Variants in NPAS3 observed in about 807,000 individuals in gnomAD.
The protein encoded by NPAS3 is neuronal PAS domain-containing protein 3.
A neutral mutation model predicts 73.1 loss-of-function variants in NPAS3; 14 were observed. That is an observed-to-expected ratio of 0.19 (90% CI 0.13 to 0.30). NPAS3 has a LOEUF of 0.30. Among genes scored for constraint, NPAS3 ranks in the 10% least tolerant of loss-of-function variants. The pLI, the probability that NPAS3 is intolerant of heterozygous loss-of-function variation, is 1.00. For missense variants in NPAS3, 1,096 were observed against 1,250.0 expected, an observed-to-expected ratio of 0.88 and a Z score of 1.86; for synonymous variants, 620 against 541.5, an observed-to-expected ratio of 1.14 and a Z score of -2.01.
intron 5 of NPAS3, among the ~76,000 whole-genome samples, chr14:33,580,138 T>TAAAATATATTAA: frequency 6.6e-6 from 1 of 152,268 alleles, no homozygotes; most frequent in Admixed American, 6.5e-5. Context: ...TTAATATATT[T>TAAAATATATTAA]AAAATATTCT....
intron 1 of NPAS3, among the ~76,000 whole-genome samples, chr14:33,032,073 C>A (rs1052089994): frequency 3.9e-5 from 6 of 152,150 alleles, no homozygotes; most frequent in Non-Finnish European, 1.5e-5. Flanking sequence ...ATGATAAAGT[C>A]TAGATTCTGT....
In NPAS3 at chr14:33,766,563, G is replaced by GC. The variant is rs1316889272; in HGVS notation, c.853-7771dup. Among the ~76,000 whole-genome samples, 8 of 152,242 alleles carry GC rather than the reference G, an allele frequency of 5.3e-5. No homozygotes were observed. In the East Asian group the frequency reaches 1.5e-3, roughly 29 times the overall value. On this transcript the variant is annotated intron_variant, in intron 7 of 11. Transcript: ENST00000356141. ...TGCTCTCTTATCCATCACCAGAGCT[G>GC]CCCTTAAGTTGAGCCCACCTGAAAC...
intron 5 of NPAS3, among the ~76,000 whole-genome samples, chr14:33,660,077 A>T (rs1473395772): frequency 6.6e-6 from 1 of 152,170 alleles, no homozygotes; most frequent in African/African-American, 2.4e-5. Context: ...AGAGGGACAG[A>T]CTTTCTAGCC....
chr14:33,683,487 T>A (rs897849235), intron 6 of NPAS3, among the ~76,000 whole-genome samples: 4 of 142,402 alleles, frequency 2.8e-5, no homozygotes, highest in Non-Finnish European at 6.0e-5. Context: ...TTAAAAATTA[T>A]AAATTCTATT....
At chr14:33,030,265 G>A (rs2039943881) in intron 1 of NPAS3, among the ~76,000 whole-genome samples, 1 of 152,178 alleles carries the variant, frequency 6.6e-6, no homozygotes, top group Non-Finnish European at 1.5e-5. Flanking sequence ...AATGGCAGGA[G>A]TTCAAACTCA....
At chr14:33,772,022 G>A (rs944457523) in intron 7 of NPAS3, among the ~76,000 whole-genome samples, 2 of 152,122 alleles carry the variant, frequency 1.3e-5, no homozygotes, top group Admixed American at 6.5e-5. Context: ...GGAAAGGAGC[G>A]AAGATAGACC....
At chr14:32,965,860 A>G (rs576013348) in intron 1 of NPAS3, among the ~76,000 whole-genome samples, 50 of 152,352 alleles carry the variant, frequency 3.3e-4, no homozygotes, top group African/African-American at 1.0e-3. Context: ...CAAATTTAGT[A>G]AAATTGCAGG....
chr14:33,373,183 C>G (rs2046167107), intron 4 of NPAS3, among the ~76,000 whole-genome samples: 1 of 152,108 alleles, frequency 6.6e-6, no homozygotes, highest in Non-Finnish European at 1.5e-5. Flanking sequence ...TTTGTTTACC[C>G]TCAGCAGAAA....
intron 4 of NPAS3, among the ~76,000 whole-genome samples, chr14:33,375,596 T>C (rs1468039306): frequency 6.6e-6 from 1 of 151,976 alleles, no homozygotes; most frequent in Non-Finnish European, 1.5e-5. Flanking sequence ...TATAAAACAA[T>C]CAAAAGTAGG....
intron 1 of NPAS3, among the ~76,000 whole-genome samples, chr14:33,009,120 A>G (rs2039099633): frequency 6.6e-6 from 1 of 152,226 alleles, no homozygotes; most frequent in Non-Finnish European, 1.5e-5. Context: ...TTTTCAATCT[A>G]GCAAGTATTT....
chr14:33,467,373 G>A (rs1344734427), intron 4 of NPAS3, among the ~76,000 whole-genome samples: 3 of 152,226 alleles, frequency 2.0e-5, no homozygotes, highest in Admixed American at 2.0e-4. Flanking sequence ...TTTGGGGGAA[G>A]TAGATGGAAA....
chr14:33,356,574 T>C (rs1461507131), intron 3 of NPAS3, among the ~76,000 whole-genome samples: 1 of 152,130 alleles, frequency 6.6e-6, no homozygotes, highest in Non-Finnish European at 1.5e-5. Flanking sequence ...TTCATTTGAG[T>C]ATTCATTTGG....
At chr14:33,146,232 A>G (rs1008127741) in intron 2 of NPAS3, among the ~76,000 whole-genome samples, 2 of 152,170 alleles carry the variant, frequency 1.3e-5, no homozygotes, top group African/African-American at 4.8e-5. Context: ...AGATACCACA[A>G]TTTGGTAGTT....
At chr14:33,308,580 TC>T (rs2042875892) in intron 3 of NPAS3, among the ~76,000 whole-genome samples, 2 of 46,798 alleles carry the variant, frequency 4.3e-5, no homozygotes, top group African/African-American at 3.6e-4. Flanking sequence ...TATATGTATA[TC>T]TATATATATG....
intron 2 of NPAS3, among the ~76,000 whole-genome samples, chr14:33,211,116 T>A (rs1468662406): frequency 6.6e-6 from 1 of 152,196 alleles, no homozygotes; most frequent in Non-Finnish European, 1.5e-5. Flanking sequence ...AAAAGACTCA[T>A]TTAACTTAAT....
At chr14:33,574,462 G>C (rs188497069) in intron 5 of NPAS3, among the ~76,000 whole-genome samples, 1 of 152,232 alleles carries the variant, frequency 6.6e-6, no homozygotes, top group East Asian at 1.9e-4. Flanking sequence ...ACTGTCATTG[G>C]CTAGCGCCCA....
chr14:33,624,245 A>G (rs116080424), intron 5 of NPAS3, among the ~76,000 whole-genome samples: 2,150 of 152,306 alleles, frequency 0.014, 51 homozygotes, highest in African/African-American at 0.048. Context: ...CTAGAACAGC[A>G]TGTGACAGAT....
intron 4 of NPAS3, among the ~76,000 whole-genome samples, chr14:33,504,709 C>G (rs10141860): frequency 0.51 from 78,167 of 151,888 alleles, 20,401 homozygotes; most frequent in South Asian, 0.69. Context: ...GTTGGCAATT[C>G]TTCTGGCTGT....
At chr14:33,374,375 T>C (rs1226755072) in intron 4 of NPAS3, among the ~76,000 whole-genome samples, 4 of 152,120 alleles carry the variant, frequency 2.6e-5, no homozygotes, top group African/African-American at 4.8e-5. Context: ...CTTTGAAGAT[T>C]GGTAAAGGGC....
Sources: allele counts gnomAD v4.1 joint callset (sites outside exome capture counted in the v4.1 genomes callset), GRCh38; gene constraint gnomAD v4.1.1; transcripts MANE v1.5; gene names NCBI Gene and HGNC (gene_info 2026-07-23, HGNC 2026-07-21).